The following SYT1 variants were observed in gnomAD, a reference collection of about 807,000 sequenced individuals.
SYT1 encodes the protein synaptotagmin 1.
In SYT1, 8 loss-of-function variants were observed where a neutral mutation model predicts 44.8. That is an observed-to-expected ratio of 0.18 (90% CI 0.10 to 0.32). The LOEUF is 0.32. SYT1 is among the 10% of genes least tolerant of loss of function. The pLI, the probability that SYT1 is intolerant of heterozygous loss-of-function variation, is 1.00. For synonymous variants in SYT1, 154 were observed against 188.8 expected (o/e 0.82, Z 1.51); for missense variants, 286 against 509.3 (o/e 0.56, Z 4.22).
rs563816277 is a variant in SYT1 at position 79,259,909 on chromosome 12, C to A, written c.167-25878C>A. On this transcript the variant is annotated intron_variant, in intron 4 of 10. Transcript: ENST00000261205. ...TGAGTATGATTGGCAAAAAGATTTTCTTTTGTTTTGATTCCACCGTTCCTT... is the reference window on the plus strand; with the variant it reads ...TGAGTATGATTGGCAAAAAGATTTTATTTTGTTTTGATTCCACCGTTCCTT... Among the ~76,000 whole-genome samples, 9 of 152,280 alleles carry A rather than the reference C, an allele frequency of 5.9e-5. No homozygotes were observed. In the East Asian group the frequency reaches 1.7e-3, roughly 29 times the overall value.
chr12:78,934,944 G>T (rs888203125), intron 1 of SYT1, among the ~76,000 whole-genome samples: 5 of 152,152 alleles, frequency 3.3e-5, no homozygotes, highest in African/African-American at 1.2e-4. Context: ...GGTAACTGAG[G>T]TATAAAATAA....
intron 1 of SYT1, among the ~76,000 whole-genome samples, chr12:78,921,605 G>C (rs183128487): frequency 1.3e-3 from 202 of 152,018 alleles, no homozygotes; most frequent in Admixed American, 3.6e-3. Flanking sequence ...AGGGTGGATA[G>C]AACAGGCAAA....
intron 5 of SYT1, 92 bp from the exon 6 acceptor site, chr12:79,291,916 C>A: frequency 1.3e-6 from 2 of 1,489,542 alleles, no homozygotes; most frequent in Non-Finnish European, 1.9e-6. Flanking sequence ...GTGCTTGCTT[C>A]GAACAGCTTG....
At chr12:79,415,284 G>A (rs1182520962) in intron 9 of SYT1, among the ~76,000 whole-genome samples, 1 of 152,062 alleles carries the variant, frequency 6.6e-6, no homozygotes, top group East Asian at 1.9e-4. Context: ...TGCAAGCATA[G>A]ATTTATGTTA....
At chr12:79,286,883 A>G (rs111470565) in intron 5 of SYT1, among the ~76,000 whole-genome samples, 7 of 130,016 alleles carry the variant, frequency 5.4e-5, no homozygotes, top group African/African-American at 2.0e-4. Context: ...TCAATTATCA[A>G]TGTTTTCATC....
chr12:78,881,253 A>G (rs1874437988), intron 1 of SYT1, among the ~76,000 whole-genome samples: 1 of 151,480 alleles, frequency 6.6e-6, no homozygotes, highest in Non-Finnish European at 1.5e-5. Context: ...TAACTACATC[A>G]ATTTTATATC....
intron 9 of SYT1, among the ~76,000 whole-genome samples, chr12:79,377,031 A>G (rs758955440): frequency 9.9e-5 from 15 of 152,226 alleles, no homozygotes; most frequent in Non-Finnish European, 2.1e-4. Context: ...TTCAACAAGT[A>G]TCTATTGAAT....
intron 3 of SYT1, among the ~76,000 whole-genome samples, chr12:79,110,256 A>T (rs145034623): frequency 2.6e-5 from 4 of 150,960 alleles, no homozygotes; most frequent in African/African-American, 9.8e-5. Context: ...ATTGATTGGA[A>T]AAAAAAAAGT....
At chr12:79,023,162 A>C (rs1872304843) in intron 2 of SYT1, among the ~76,000 whole-genome samples, 1 of 151,912 alleles carries the variant, frequency 6.6e-6, no homozygotes. Flanking sequence ...TAGAGTCTCC[A>C]CAGGGCTTTC....
chr12:79,004,711 C>A (rs1372952511), intron 2 of SYT1, among the ~76,000 whole-genome samples: 2 of 151,808 alleles, frequency 1.3e-5, no homozygotes, highest in Admixed American at 1.3e-4. Flanking sequence ...TATGTCTCAG[C>A]TTCCTTTAAG....
chr12:79,066,350 C>T (rs914122136), intron 3 of SYT1, among the ~76,000 whole-genome samples: 4 of 151,926 alleles, frequency 2.6e-5, no homozygotes, highest in Admixed American at 2.6e-4. Flanking sequence ...TATAAGCAAA[C>T]CTATAAACCT....
chr12:79,179,196 A>ATATATCTATATAGATATAGATATATC lies in SYT1; in HGVS notation c.-17-38302_-17-38301insCTATATAGATATAGATATATCTATAT, dbSNP rs1872200611. On this transcript the variant is annotated intron_variant, in intron 3 of 10. Transcript: ENST00000261205. ...TATAGATATATAGATATAGATATAG[A>ATATATCTATATAGATATAGATATATC]TATATAGATATAGATATAGATATAT... is the stretch of plus-strand genomic sequence containing the variant. 6.7e-5 allele frequency among the ~76,000 whole-genome samples: 3 copies of ATATATCTATATAGATATAGATATATC among 44,576 alleles called. 1 individual carries two copies. Among genetic ancestry groups the ATATATCTATATAGATATAGATATATC allele is most frequent in the African/African-American group, 5.7e-4 (3 of 5,226 alleles). 29.2% of individuals were successfully genotyped at this position (44,576 alleles called of 152,430 possible).
At chr12:79,317,611 A>G (rs1306358243) in intron 8 of SYT1, among the ~76,000 whole-genome samples, 1 of 152,148 alleles carries the variant, frequency 6.6e-6, no homozygotes, top group Non-Finnish European at 1.5e-5. Context: ...TCACAACTTT[A>G]AAATGCTTAT....
At chr12:79,424,470 A>C (rs1459102926) in intron 9 of SYT1, among the ~76,000 whole-genome samples, 2 of 152,198 alleles carry the variant, frequency 1.3e-5, no homozygotes, top group African/African-American at 2.4e-5. Flanking sequence ...TAGAGAGGGT[A>C]GTACAAACAA....
intron 1 of SYT1, among the ~76,000 whole-genome samples, chr12:78,893,483 T>G (rs1407458789): frequency 1.3e-5 from 2 of 151,730 alleles, no homozygotes; most frequent in Non-Finnish European, 2.9e-5. Context: ...AAAGTCTTAG[T>G]GCCAATAATC....
chr12:79,039,224 A>G lies in SYT1; in HGVS notation c.-83-8073A>G, dbSNP rs111600422. ...AAGCCTGTTTCTAAAACTAGATACAAAAAAACACTAAAAAGTCATCAGCTT... is the reference window on the plus strand; with the variant it reads ...AAGCCTGTTTCTAAAACTAGATACAGAAAAACACTAAAAAGTCATCAGCTT... On this transcript the variant is annotated intron_variant, in intron 2 of 10. Coordinates refer to ENST00000261205, the MANE Select transcript of SYT1 (RefSeq NM_005639.3). Among the ~76,000 whole-genome samples the G allele has an allele frequency of 2.5e-3, 378 of 152,186 alleles. 3 individuals carry two copies. Among genetic ancestry groups the G allele is most frequent in the Middle Eastern group, 0.01 (3 of 294 alleles).
intron 3 of SYT1, among the ~76,000 whole-genome samples, chr12:79,130,355 C>T (rs1034353232): frequency 6.6e-6 from 1 of 152,144 alleles, no homozygotes; most frequent in South Asian, 2.1e-4. Flanking sequence ...TAACTACCTT[C>T]TTAATATCAT....
intron 1 of SYT1, among the ~76,000 whole-genome samples, chr12:78,922,644 G>A (rs1247989011): frequency 2.0e-5 from 3 of 151,804 alleles, no homozygotes; most frequent in Non-Finnish European, 4.4e-5. Flanking sequence ...ACCTTAAAAG[G>A]CATCAAGTTC....
At chr12:79,060,566 T>C (rs1054501898) in intron 3 of SYT1, among the ~76,000 whole-genome samples, 4 of 152,126 alleles carry the variant, frequency 2.6e-5, no homozygotes, top group Non-Finnish European at 4.4e-5. Context: ...ATAAGTGGAA[T>C]TAAACAGTAT....
Sources: gnomAD v4.1 joint callset for allele counts (sites outside exome capture counted in the v4.1 genomes callset) on GRCh38, gnomAD v4.1.1 for gene constraint, MANE v1.5 for transcripts, NCBI Gene and HGNC (gene_info 2026-07-23, HGNC 2026-07-21) for gene names.